Variants in VWC2 observed in about 807,000 individuals in gnomAD.
VWC2 encodes the protein von Willebrand factor C domain containing 2.
VWC2 carries 14 observed loss-of-function variants against 29.8 expected under a neutral mutation model. The ratio of observed to expected loss-of-function variants is 0.47; its 90% CI spans 0.31 to 0.74. The LOEUF (loss-of-function observed/expected upper bound fraction) is 0.74, where lower values mean the gene tolerates loss of function less well. Among genes scored for constraint, VWC2 ranks in the 30% least tolerant of loss-of-function variants. The pLI, the probability that VWC2 is intolerant of heterozygous loss-of-function variation, is 0.05. For missense variants in VWC2, 457 were observed against 459.8 expected, an observed-to-expected ratio of 0.99 and a Z score of 0.05; for synonymous variants, 213 against 199.0, an observed-to-expected ratio of 1.07 and a Z score of -0.59.
At chr7:49,860,155 G>C (rs1054187287) in intron 3 of VWC2, among the ~76,000 whole-genome samples, 1 of 151,866 alleles carries the variant, frequency 6.6e-6, no homozygotes, top group Non-Finnish European at 1.5e-5. Flanking sequence ...CAATCCAGTG[G>C]CATTGTACAT....
chr7:49,906,405 A>C (rs1012178249), intron 3 of VWC2, among the ~76,000 whole-genome samples: 1 of 151,938 alleles, frequency 6.6e-6, no homozygotes, highest in South Asian at 2.1e-4. Flanking sequence ...CGGCGACCTC[A>C]GCTCACTGCA....
At chr7:49,787,949 G>A (rs999681989) in intron 2 of VWC2, among the ~76,000 whole-genome samples, 2 of 152,176 alleles carry the variant, frequency 1.3e-5, no homozygotes, top group Non-Finnish European at 2.9e-5. Flanking sequence ...CCATTGCGCC[G>A]TATGTCTGGG....
intron 2 of VWC2, among the ~76,000 whole-genome samples, chr7:49,798,619 G>A (rs1001540532): frequency 6.6e-5 from 10 of 152,200 alleles, no homozygotes; most frequent in Admixed American, 5.9e-4. Flanking sequence ...TCCTTAGGCA[G>A]TGTAGGGACT....
At chr7:49,902,284 T>TA (rs972782736) in intron 3 of VWC2, among the ~76,000 whole-genome samples, 2 of 151,402 alleles carry the variant, frequency 1.3e-5, no homozygotes, top group African/African-American at 4.8e-5. Flanking sequence ...GCAAAAGACA[T>TA]AAAAAAAACT....
chr7:49,877,646 A>G (rs1791496162), intron 3 of VWC2, among the ~76,000 whole-genome samples: 1 of 148,836 alleles, frequency 6.7e-6, no homozygotes. Flanking sequence ...TTATCTGATG[A>G]TGATTTACCT....
At chr7:49,864,818 G>A (rs1421272963) in intron 3 of VWC2, among the ~76,000 whole-genome samples, 1 of 152,210 alleles carries the variant, frequency 6.6e-6, no homozygotes, top group Non-Finnish European at 1.5e-5. Flanking sequence ...GGAGGGTGAA[G>A]CAAGGACAAT....
intron 3 of VWC2, among the ~76,000 whole-genome samples, chr7:49,903,072 C>T (rs559799662): frequency 1.3e-5 from 2 of 152,306 alleles, no homozygotes; most frequent in Admixed American, 1.3e-4. Flanking sequence ...TATCACTATA[C>T]ATCAATATAA....
intron 3 of VWC2, among the ~76,000 whole-genome samples, chr7:49,819,208 A>T (rs1319972152): frequency 6.6e-6 from 1 of 152,130 alleles, no homozygotes; most frequent in African/African-American, 2.4e-5. Context: ...TCTGTTGCTT[A>T]CTCCATCCAG....
At chr7:49,870,151 A>G (rs746953586) in intron 3 of VWC2, among the ~76,000 whole-genome samples, 6 of 152,230 alleles carry the variant, frequency 3.9e-5, no homozygotes, top group Non-Finnish European at 7.3e-5. Flanking sequence ...CTGTAATCCC[A>G]GCACTTTGGG....
Position 49,775,777 on chromosome 7 carries a change from C to G in VWC2, c.342C>G (p.Arg114=), listed in dbSNP as rs1281631745. Residue 114 remains arginine (R), a synonymous_variant, in exon 2 of 4, where the codon CGC becomes CGG. Transcript: ENST00000340652. Reference sequence around the variant, plus strand: ...CCGGGGATCTGCAGGTCCGGCCCCGCGGGGACACCCCGCAGGCGGAAGCCC... The same window carrying G: ...CCGGGGATCTGCAGGTCCGGCCCCGGGGGGACACCCCGCAGGCGGAAGCCC... The part of the protein sequence containing the change: ...AKAGDLQVRP[R]GDTPQAEALA... The G allele has an allele frequency of 2.0e-6, 3 of 1,520,586 alleles. No individual in the cohort carries two copies. The highest frequency in any genetic ancestry group is 2.5e-5 in the South Asian group (2 of 79,708). 94.2% of individuals were successfully genotyped at this position (1,520,586 alleles called of 1,614,324 possible). A position where few individuals can be genotyped will look rare whatever the true frequency, so the allele number is the denominator to read the frequency against.
chr7:49,898,748 T>C (rs1792535603), intron 3 of VWC2, among the ~76,000 whole-genome samples: 1 of 152,078 alleles, frequency 6.6e-6, no homozygotes, highest in African/African-American at 2.4e-5. Context: ...GATACTCTCA[T>C]TACCCACAAA....
intron 2 of VWC2, among the ~76,000 whole-genome samples, chr7:49,792,170 C>T (rs561102655): frequency 6.6e-6 from 1 of 152,278 alleles, no homozygotes; most frequent in South Asian, 2.1e-4. Context: ...TTTTAGTATC[C>T]GAGTTGTTTC....
chr7:49,908,982 A>G (rs1000881244), intron 3 of VWC2, among the ~76,000 whole-genome samples: 2 of 152,266 alleles, frequency 1.3e-5, no homozygotes, highest in Non-Finnish European at 2.9e-5. Flanking sequence ...GCCCTGACAT[A>G]GAAAGATTAA....
At chr7:49,838,608 T>A (rs1035159553) in intron 3 of VWC2, among the ~76,000 whole-genome samples, 2 of 151,846 alleles carry the variant, frequency 1.3e-5, no homozygotes, top group African/African-American at 4.8e-5. Flanking sequence ...AGCGCTTGAG[T>A]AGACGATGCC....
intron 3 of VWC2, among the ~76,000 whole-genome samples, chr7:49,910,977 C>T (rs537551674): frequency 2.0e-5 from 3 of 152,276 alleles, no homozygotes; most frequent in Admixed American, 6.5e-5. Context: ...AAGCTGCCCT[C>T]GGAGGCCTGG....
At position 49,804,558 on chromosome 7, in the gene VWC2, A is replaced by G. The variant is rs955039702; in HGVS notation, c.826+1718A>G. On this transcript the variant is annotated intron_variant, in intron 3 of 3. Coordinates refer to ENST00000340652, the MANE Select transcript of VWC2 (RefSeq NM_198570.5). ...CATGTTTTTCCTGTAAATTTTGATTATAGACTAAGTCTTGGCATTAGATAG... is the reference window on the plus strand; with the variant it reads ...CATGTTTTTCCTGTAAATTTTGATTGTAGACTAAGTCTTGGCATTAGATAG... Among the ~76,000 whole-genome samples the G allele has an allele frequency of 4.6e-5, 7 of 152,342 alleles. No individual in the cohort carries two copies. In the South Asian group the frequency reaches 1.0e-3, roughly 23 times the overall value.
chr7:49,801,188 T>C (rs1289721556), intron 2 of VWC2, among the ~76,000 whole-genome samples: 1 of 152,216 alleles, frequency 6.6e-6, no homozygotes, highest in Non-Finnish European at 1.5e-5. Flanking sequence ...GTTTTTAGTG[T>C]TTGCATTGTA....
intron 2 of VWC2, among the ~76,000 whole-genome samples, chr7:49,776,366 A>G (rs566893656): frequency 2.0e-4 from 31 of 152,334 alleles, no homozygotes; most frequent in African/African-American, 7.5e-4. Flanking sequence ...AAAGGGCTTC[A>G]TGAGGATGAA....
At chr7:49,911,956 CTGT>C in intron 3 of VWC2, 75 bp from the exon 4 acceptor site, 2 of 1,162,348 alleles carry the variant, frequency 1.7e-6, no homozygotes, top group Non-Finnish European at 2.3e-6. Context: ...CATATATATA[CTGT>C]AATGCTTAAT....
Sources: gnomAD v4.1 joint callset for allele counts (sites outside exome capture counted in the v4.1 genomes callset) on GRCh38, gnomAD v4.1.1 for gene constraint, MANE v1.5 for transcripts, NCBI Gene and HGNC (gene_info 2026-07-23, HGNC 2026-07-21) for gene names.